The following ARHGAP10 variants were observed in gnomAD, a reference collection of about 807,000 sequenced individuals.
ARHGAP10 encodes the protein Rho GTPase activating protein 10.
Under a neutral mutation model 108.6 loss-of-function variants are expected in ARHGAP10, and 87 were observed. The observed-to-expected ratio is 0.80, with a 90% CI of 0.67 to 0.96. ARHGAP10 has a LOEUF of 0.96. Ranked by LOEUF, ARHGAP10 falls within the 40% of genes least tolerant of loss-of-function variation. The pLI is 0.00. For synonymous variants in ARHGAP10, 347 were observed against 341.1 expected (o/e 1.02, Z -0.19); for missense variants, 939 against 954.5 (o/e 0.98, Z 0.21).
At chr4:147,868,770 A>T (rs758342692) in intron 7 of ARHGAP10, among the ~76,000 whole-genome samples, 1 of 152,030 alleles carries the variant, frequency 6.6e-6, no homozygotes, top group Admixed American at 6.6e-5. Flanking sequence ...CACAATCTAG[A>T]TCCACGTGCG....
chr4:147,937,799 G>C (rs1055480300), intron 13 of ARHGAP10, among the ~76,000 whole-genome samples: 29 of 152,182 alleles, frequency 1.9e-4, no homozygotes, highest in African/African-American at 6.8e-4. Flanking sequence ...GACCAACATG[G>C]TGAAACCCCA....
At chr4:147,941,728 T>C (rs1738171209) in intron 14 of ARHGAP10, among the ~76,000 whole-genome samples, 1 of 152,268 alleles carries the variant, frequency 6.6e-6, no homozygotes. Context: ...AGTGTGAATT[T>C]AAGATTATCA....
intron 18 of ARHGAP10, among the ~76,000 whole-genome samples, chr4:147,969,507 G>A (rs955531569): frequency 7.2e-5 from 11 of 152,102 alleles, no homozygotes; most frequent in African/African-American, 2.4e-4. Context: ...CAATGTTACA[G>A]TAGCTCAACA....
At chr4:147,972,029 TAAAAG>T (rs1023541057) in intron 18 of ARHGAP10, among the ~76,000 whole-genome samples, 1 of 152,012 alleles carries the variant, frequency 6.6e-6, no homozygotes, top group African/African-American at 2.4e-5. Context: ...GTGTCACTAA[TAAAAG>T]GAAGGAACAA....
chr4:147,895,512 CA>C (rs70958593), intron 10 of ARHGAP10, among the ~76,000 whole-genome samples: 326 of 85,288 alleles, frequency 3.8e-3, no homozygotes, highest in African/African-American at 0.013. Context: ...GACCCTGTCT[CA>C]AAAAAAAAAA....
At chr4:147,968,490 CT>C (rs1361583635) in intron 18 of ARHGAP10, among the ~76,000 whole-genome samples, 1 of 152,208 alleles carries the variant, frequency 6.6e-6, no homozygotes, top group African/African-American at 2.4e-5. Context: ...CTTCTTTCCC[CT>C]TAATTGTTCT....
At chr4:147,946,863 C>CTAG (rs1331299397) in intron 15 of ARHGAP10, among the ~76,000 whole-genome samples, 159 bp downstream of exon 15, 3 of 152,086 alleles carry the variant, frequency 2.0e-5, no homozygotes, top group African/African-American at 7.2e-5. Context: ...AGAAAGGTAA[C>CTAG]TAGTAGATGC....
At chr4:147,866,379 C>G (rs1278771492) in intron 6 of ARHGAP10, 2 of 199,552 alleles carry the variant, frequency 1.0e-5, no homozygotes, top group Admixed American at 1.2e-4. Context: ...ATTGTGTCAA[C>G]CTATAGTGAT....
In ARHGAP10 at chr4:147,810,913, G is replaced by A. The variant is rs1731992190; in HGVS notation, c.155-11814G>A. 2.0e-5 allele frequency among the ~76,000 whole-genome samples: 3 copies of A among 152,190 alleles called. No individual in the cohort carries two copies. The South Asian group carries it at 6.2e-4, about 31-fold the overall frequency. Reference sequence around the variant, plus strand: ...TGCCTCATTTTGTTCTAGATCCTGTGGTTATGGCAGTGAACAAAATGAATA... The same window carrying A: ...TGCCTCATTTTGTTCTAGATCCTGTAGTTATGGCAGTGAACAAAATGAATA... On this transcript the variant is annotated intron_variant, in intron 1 of 22. Coordinates refer to ENST00000336498, the MANE Select transcript of ARHGAP10 (RefSeq NM_024605.4).
At chr4:147,872,607 AG>A (rs1406736051) in intron 7 of ARHGAP10, among the ~76,000 whole-genome samples, 2 of 152,242 alleles carry the variant, frequency 1.3e-5, no homozygotes, top group Non-Finnish European at 2.9e-5. Context: ...GTTGATCAGA[AG>A]CCTCACCCAT....
intron 22 of ARHGAP10, among the ~76,000 whole-genome samples, chr4:148,067,686 G>T (rs1397760277): frequency 6.6e-6 from 1 of 152,242 alleles, no homozygotes; most frequent in Non-Finnish European, 1.5e-5. Context: ...AAAGGAAATT[G>T]GTTTATGCCA....
chr4:147,889,362 C>T (rs368215945), intron 10 of ARHGAP10, among the ~76,000 whole-genome samples: 23 of 152,270 alleles, frequency 1.5e-4, no homozygotes, highest in African/African-American at 5.5e-4. Flanking sequence ...TGCAATGGCA[C>T]GATCTCGGTT....
In ARHGAP10 at chr4:147,918,311, A is replaced by G. The variant is rs112501991; in HGVS notation, c.1228+5172A>G. Among the ~76,000 whole-genome samples, 772 of 151,636 alleles carry G rather than the reference A, an allele frequency of 5.1e-3. 7 individuals carry two copies. The highest frequency in any genetic ancestry group is 0.017 in the Middle Eastern group (5 of 294). ...CCACGAAGCCTGGCTAATTTTTTGT[A>G]TTTTTAGTAGAGACAGGGTTTCACC... On this transcript the variant is annotated intron_variant, in intron 13 of 22. Coordinates refer to ENST00000336498, the MANE Select transcript of ARHGAP10 (RefSeq NM_024605.4).
At chr4:148,062,876 G>C (rs1729681791) in intron 20 of ARHGAP10, among the ~76,000 whole-genome samples, 1 of 152,216 alleles carries the variant, frequency 6.6e-6, no homozygotes, top group Non-Finnish European at 1.5e-5. Flanking sequence ...TTTCTAATTA[G>C]TGAACTCATA....
At chr4:147,946,572 T>A (rs1738389245) in intron 14 of ARHGAP10, 45 bp from the exon 15 acceptor site, 1 of 1,546,870 alleles carries the variant, frequency 6.5e-7, no homozygotes. Context: ...GGACCTTTGA[T>A]GATCAAGGTT....
chr4:147,875,032 A>G lies in ARHGAP10; in HGVS notation c.714A>G (p.Arg238=). ...LQINIQNTRN[R]FEGTRSEVEE... ...TTAATCCATTTCAGACACGGAATCG[A>G]TTTGAAGGAACAAGGTCAGAAGTGG... is the stretch of plus-strand genomic sequence containing the variant. The change falls in exon 8 of 23, where the codon CGA becomes CGG. Residue 238 remains arginine, a synonymous_variant. Transcript: ENST00000336498. 1.3e-6 allele frequency: 2 copies of G among 1,590,086 alleles called. No individual in the cohort carries two copies. Among genetic ancestry groups the G allele is most frequent in the Non-Finnish European group, 1.7e-6 (2 of 1,173,632 alleles).
rs1236580345 is a variant in ARHGAP10 at position 147,940,003 on chromosome 4, T to G, written c.1303+104T>G. On this transcript the variant is annotated intron_variant, in intron 14 of 22. Transcript: ENST00000336498. The stretch of plus-strand genomic sequence containing the variant: ...ATGTAGAGAATACTTGTCATTCCAT[T>G]CCTCTACTTTCTACAGGAGTTTTCT... The G allele has an allele frequency of 2.7e-6, 3 of 1,116,936 alleles. No individual in the cohort carries two copies. In the African/African-American group the frequency reaches 4.7e-5, roughly 18 times the overall value. 69.2% of individuals were successfully genotyped at this position (1,116,936 alleles called of 1,614,324 possible).
intron 1 of ARHGAP10, among the ~76,000 whole-genome samples, chr4:147,742,680 T>C (rs930088051): frequency 1.3e-5 from 2 of 151,836 alleles, no homozygotes; most frequent in Admixed American, 1.3e-4. Flanking sequence ...GAGATGGGGT[T>C]TCACCATGTT....
chr4:147,788,441 C>T (rs554235255), intron 1 of ARHGAP10, among the ~76,000 whole-genome samples: 12 of 151,970 alleles, frequency 7.9e-5, no homozygotes, highest in Non-Finnish European at 1.2e-4. Context: ...AGCAAGACTC[C>T]TTCTCAAAAA....
Sources: allele counts gnomAD v4.1 joint callset (sites outside exome capture counted in the v4.1 genomes callset), GRCh38; gene constraint gnomAD v4.1.1; transcripts MANE v1.5; gene names NCBI Gene and HGNC (gene_info 2026-07-23, HGNC 2026-07-21).